The following SLC4A4 variants were observed in gnomAD, a reference collection of about 807,000 sequenced individuals.
The protein encoded by SLC4A4 is electrogenic sodium bicarbonate cotransporter 1.
In SLC4A4, 27 loss-of-function variants were observed where a neutral mutation model predicts 111.5. The ratio of observed to expected loss-of-function variants is 0.24; its 90% confidence interval spans 0.18 to 0.33. The LOEUF (loss-of-function observed/expected upper bound fraction) is 0.33. SLC4A4 is among the 10% of genes least tolerant of loss of function. SLC4A4 has a pLI of 1.00. For missense variants in SLC4A4, 909 were observed against 1,315.5 expected (o/e 0.69, Z 4.78); for synonymous variants, 443 against 463.4 (o/e 0.96, Z 0.57).
At chr4:71,383,023 T>C (rs1456267167) in intron 6 of SLC4A4, among the ~76,000 whole-genome samples, 1 of 152,224 alleles carries the variant, frequency 6.6e-6, no homozygotes, top group African/African-American at 2.4e-5. Flanking sequence ...AAGCAATCTT[T>C]AACTAGTATA....
chr4:71,454,341 C>T (rs1201189993), intron 12 of SLC4A4, among the ~76,000 whole-genome samples: 1 of 152,102 alleles, frequency 6.6e-6, no homozygotes, highest in Non-Finnish European at 1.5e-5. Flanking sequence ...TTCCCTCCAC[C>T]AACCAGAAAA....
At chr4:71,165,135 GA>G (rs146190212) in intron 2 of SLC4A4, among the ~76,000 whole-genome samples, 122,577 of 152,052 alleles carry the variant, frequency 0.81, 53,168 homozygotes, top group Non-Finnish European at 0.95. Context: ...CATTGTGGAA[GA>G]CAGTGTGGAG....
intron 23 of SLC4A4, 152 bp downstream of exon 23, chr4:71,560,406 T>G (rs1179611071): frequency 6.9e-6 from 5 of 726,918 alleles, no homozygotes; most frequent in Non-Finnish European, 6.1e-6. Context: ...CCCTTTGCCC[T>G]TTATATTCTC....
intron 3 of SLC4A4, among the ~76,000 whole-genome samples, chr4:71,304,404 C>T (rs927618360): frequency 1.3e-5 from 2 of 151,922 alleles, no homozygotes; most frequent in East Asian, 3.9e-4. Flanking sequence ...AAGATGAATG[C>T]CCCAGCTTAA....
chr4:71,339,254 C>T (rs1728689451), intron 3 of SLC4A4, 116 bp from the exon 4 acceptor site: 1 of 1,614,036 alleles, frequency 6.2e-7, no homozygotes, highest in Admixed American at 1.7e-5. Context: ...GAAAGATGTC[C>T]ACTGAAAATG....
chr4:71,516,080 C>CTTTTTT (rs60338885), intron 16 of SLC4A4, among the ~76,000 whole-genome samples: 3 of 30,616 alleles, frequency 9.8e-5, no homozygotes, highest in Non-Finnish European at 1.1e-4. Context: ...TGGGGGATTT[C>CTTTTTT]TTTTTTTTTT....
rs1461371309 is a variant in SLC4A4, at chr4:71,367,671, G to T, written c.730+10484G>T. On this transcript the variant is annotated intron_variant, in intron 6 of 25. Transcript: ENST00000264485. ...TCTTAGTGCAATAAAAAGTTGCAAAGAACTTCAATTATGGGAAACAATTAA... is the reference window on the plus strand; with the variant it reads ...TCTTAGTGCAATAAAAAGTTGCAAATAACTTCAATTATGGGAAACAATTAA... 2.0e-5 allele frequency among the ~76,000 whole-genome samples: 3 copies of T among 152,058 alleles called. No homozygotes were observed. The East Asian group carries it at 5.8e-4, about 29-fold the overall frequency.
In SLC4A4 at chr4:71,549,347, T is replaced by C. The variant is rs72854419; in HGVS notation, c.2694+1627T>C. Among the ~76,000 whole-genome samples the C allele has an allele frequency of 5.1e-3, 768 of 151,882 alleles. 4 individuals are homozygous for C. Among genetic ancestry groups the C allele is most frequent in the African/African-American group, 0.017 (720 of 41,458 alleles). ...GGCAATGGAACCTCATCCAGTGAGATCATTTTTAGAGAGTTCACTGCAGAC... is the reference window on the plus strand; with the variant it reads ...GGCAATGGAACCTCATCCAGTGAGACCATTTTTAGAGAGTTCACTGCAGAC... On this transcript the variant is annotated intron_variant, in intron 20 of 25. Transcript: ENST00000264485.
At chr4:71,411,125 G>A (rs1388791143) in intron 7 of SLC4A4, among the ~76,000 whole-genome samples, 9 of 152,086 alleles carry the variant, frequency 5.9e-5, no homozygotes, top group Non-Finnish European at 8.8e-5. Context: ...CAAGACCTGC[G>A]TTATCCTGCC....
chr4:71,340,053 C>CA lies in SLC4A4; in HGVS notation c.389+559dup, dbSNP rs752438072. ...GCAACATAATGGGACCCCATCTCTA[C>CA]AAAAAAAAAAAGAAAAAAAAATCAG... On this transcript the variant is annotated intron_variant, in intron 4 of 25. Transcript: ENST00000264485. Among the ~76,000 whole-genome samples the CA allele has an allele frequency of 9.0e-3, 1,098 of 121,572 alleles. 3 individuals are homozygous for CA. The highest frequency in any genetic ancestry group is 0.02 in the Middle Eastern group (5 of 250). 79.8% of individuals were successfully genotyped at this position (121,572 alleles called of 152,430 possible).
At chr4:71,475,027 G>A (rs1728230616) in intron 14 of SLC4A4, among the ~76,000 whole-genome samples, 1 of 151,646 alleles carries the variant, frequency 6.6e-6, no homozygotes, top group Non-Finnish European at 1.5e-5. Context: ...TCAAAATATT[G>A]GCTTCACAAA....
intron 7 of SLC4A4, among the ~76,000 whole-genome samples, chr4:71,435,981 A>G (rs1724098355): frequency 6.6e-6 from 1 of 152,236 alleles, no homozygotes; most frequent in African/African-American, 2.4e-5. Context: ...TAGTTCAACC[A>G]TTGTGGAAGA....
intron 14 of SLC4A4, among the ~76,000 whole-genome samples, chr4:71,481,499 T>C (rs1191504018): frequency 2.6e-5 from 4 of 151,656 alleles, no homozygotes; most frequent in African/African-American, 9.7e-5. Flanking sequence ...CCTCCTTTTT[T>C]CTCTCACAGC....
intron 2 of SLC4A4, among the ~76,000 whole-genome samples, chr4:71,132,158 G>A (rs150688737): frequency 1.3e-5 from 2 of 152,176 alleles, no homozygotes; most frequent in Admixed American, 1.3e-4. Flanking sequence ...CAGTGTTTAG[G>A]ATTGCTTTAA....
chr4:71,084,228 G>A (rs16845723), intron 1 of SLC4A4, among the ~76,000 whole-genome samples: 1,910 of 151,968 alleles, frequency 0.013, 59 homozygotes, highest in African/African-American at 0.044. Flanking sequence ...TTAATAATCG[G>A]ATGTAAAGAT....
chr4:71,137,985 T>C (rs1006552570), intron 2 of SLC4A4, among the ~76,000 whole-genome samples: 1 of 152,180 alleles, frequency 6.6e-6, no homozygotes, highest in African/African-American at 2.4e-5. Flanking sequence ...TATTGTGCCC[T>C]AATCAAAATA....
intron 7 of SLC4A4, among the ~76,000 whole-genome samples, chr4:71,431,337 A>ATTCT (rs1474655982): frequency 6.6e-6 from 1 of 152,084 alleles, no homozygotes; most frequent in East Asian, 1.9e-4. Context: ...TCTGATGAGA[A>ATTCT]GGTCACTTAA....
At chr4:71,567,197 T>C in intron 25 of SLC4A4, 114 bp downstream of exon 25, 2 of 863,800 alleles carry the variant, frequency 2.3e-6, no homozygotes, top group Non-Finnish European at 3.6e-6. Context: ...CTATTATTTA[T>C]CTTAAATAAA....
chr4:71,156,541 T>A (rs1016254560), intron 2 of SLC4A4, among the ~76,000 whole-genome samples: 4 of 107,540 alleles, frequency 3.7e-5, no homozygotes, highest in Non-Finnish European at 9.3e-5. Context: ...TTGAGAGAAG[T>A]TGGCTTATGT....
Sources: allele counts gnomAD v4.1 joint callset (sites outside exome capture counted in the v4.1 genomes callset), GRCh38; gene constraint gnomAD v4.1.1; transcripts MANE v1.5; gene names NCBI Gene and HGNC (gene_info 2026-07-23, HGNC 2026-07-21).